MAD2L1BP: variants seen among roughly 807,000 people sequenced by gnomAD.
The protein encoded by MAD2L1BP is MAD2L1 binding protein.
A neutral mutation model predicts 28.4 loss-of-function variants in MAD2L1BP; 22 were observed. The observed-to-expected ratio is 0.77, with a 90% CI of 0.55 to 1.10. MAD2L1BP has a LOEUF of 1.10. MAD2L1BP is among the 50% of genes least tolerant of loss of function. MAD2L1BP has a pLI of 0.00. For missense variants in MAD2L1BP, 325 were observed against 350.5 expected (o/e 0.93, Z 0.58); for synonymous variants, 146 against 133.7 (o/e 1.09, Z -0.63).
rs1192876675 is a variant in MAD2L1BP at position 43,640,417 on chromosome 6, CG to C, written c.713del (p.Gly238AlafsTer4). ...RPKLNYRVPS[R>X]GHKLTVTLSC... is the part of the protein sequence containing the mutation. ...CAAGCTCAACTATCGAGTGCCCAGC[CG>C]GGGCCATAAACTGACTGTGACCCTG... On this transcript the variant is annotated frameshift_variant, in exon 3 of 3. Transcript: ENST00000372171. LOFTEE classifies it high-confidence loss of function. 6.2e-7 allele frequency: 1 copy of C among 1,613,846 alleles called. No homozygotes were observed. The highest frequency in any genetic ancestry group is 1.3e-5 in the African/African-American group (1 of 74,930).
chr6:43,633,817 C>T (rs1450096930), upstream of MAD2L1BP, among the ~76,000 whole-genome samples: 1 of 151,220 alleles, frequency 6.6e-6, no homozygotes, highest in African/African-American at 2.4e-5. Flanking sequence ...TCAAGCAATC[C>T]TCCCACCTAA....
At chr6:43,637,125 C>T (rs111540223) in intron 2 of MAD2L1BP, among the ~76,000 whole-genome samples, 2,820 of 152,168 alleles carry the variant, frequency 0.019, 34 homozygotes, top group South Asian at 0.042. Context: ...AATGCAATGG[C>T]GTGATCTCGG....
At chr6:43,636,281 C>A in intron 1 of MAD2L1BP, 100 bp from the exon 2 acceptor site, 3 of 1,285,756 alleles carry the variant, frequency 2.3e-6, no homozygotes, top group Non-Finnish European at 3.3e-6. Flanking sequence ...GGAGTGCCTG[C>A]TTTTTCAGGG....
intron 2 of MAD2L1BP, among the ~76,000 whole-genome samples, chr6:43,637,482 G>A (rs7749866): frequency 0.12 from 17,562 of 147,702 alleles, 2,370 homozygotes; most frequent in African/African-American, 0.34. Flanking sequence ...CTGGAGGACA[G>A]TGGCATGATC....
upstream of MAD2L1BP, among the ~76,000 whole-genome samples, chr6:43,634,325 A>G (rs1178024449): frequency 6.7e-6 from 1 of 149,866 alleles, no homozygotes; most frequent in African/African-American, 2.5e-5. Flanking sequence ...GACTCAAGCA[A>G]TCCTCTGCTT....
Position 43,636,530 on chromosome 6 carries a change from C to T in MAD2L1BP, c.196C>T (p.Gln66Ter), listed in dbSNP as rs773189623. ...AGTGGTGTTTCCTGGGCCTGTGAGC[C>T]AGGAAGGCTGCTGTCAGTTTACTTG... ...VPVVFPGPVS[Q>*]EGCCQFTCEL... Residue 66 changes from glutamine to a stop codon, truncating the protein, a stop_gained, in exon 2 of 3, where the codon CAG (glutamine) becomes TAG (stop). Transcript: ENST00000372171. LOFTEE classifies it high-confidence loss of function. 1 of 1,614,164 alleles carries T rather than the reference C, an allele frequency of 6.2e-7. No individual in the cohort carries two copies. The highest frequency in any genetic ancestry group is 8.5e-7 in the Non-Finnish European group (1 of 1,180,036).
intron 2 of MAD2L1BP, 32 bp from the exon 3 acceptor site, chr6:43,639,989 T>G: frequency 6.6e-7 from 1 of 1,509,136 alleles, no homozygotes; most frequent in Non-Finnish European, 8.9e-7. Flanking sequence ...CCCTGCCTTG[T>G]TCTTCTCTCC....
upstream of MAD2L1BP, chr6:43,633,284 T>C (rs1218564399): frequency 2.6e-6 from 1 of 386,548 alleles, no homozygotes; most frequent in Non-Finnish European, 5.0e-6. Context: ...GGGATTCTCC[T>C]GCCTCAGCCT....
At position 43,636,783 on chromosome 6, in the gene MAD2L1BP, C is replaced by G. The variant is rs961772831; in HGVS notation, c.312+137C>G. On this transcript the variant is annotated intron_variant, in intron 2 of 2. Transcript: ENST00000372171. ...TCCAGGGCTTCGGTCACTTTCTCCC[C>G]ACTCTAGTCTTTGGTAGCCTAACCC... The G allele has an allele frequency of 3.0e-6, 3 of 1,003,414 alleles. No homozygotes were observed. In the African/African-American group the frequency reaches 4.9e-5, roughly 16 times the overall value. 62.2% of individuals were successfully genotyped at this position (1,003,414 alleles called of 1,614,324 possible). A position where few individuals can be genotyped will look rare whatever the true frequency, so the allele number is the denominator to read the frequency against.
chr6:43,631,067 G>C (rs2127854243), upstream of MAD2L1BP, among the ~76,000 whole-genome samples: 1 of 152,194 alleles, frequency 6.6e-6, no homozygotes, highest in African/African-American at 2.4e-5. Context: ...TTCCTCCCAG[G>C]GCCACAAGGA....
At chr6:43,636,761 A>AG in intron 2 of MAD2L1BP, 115 bp downstream of exon 2, 1 of 1,250,860 alleles carries the variant, frequency 8.0e-7, no homozygotes, top group Non-Finnish European at 1.1e-6. Context: ...AGCAGCTTCC[A>AG]GGGCTTCGGT....
At chr6:43,635,985 A>G in intron 1 of MAD2L1BP, 64 bp downstream of exon 1, 1 of 1,473,708 alleles carries the variant, frequency 6.8e-7, no homozygotes, top group Non-Finnish European at 9.2e-7. Flanking sequence ...CCGCCGCGCC[A>G]TCCATTCGTT....
At chr6:43,631,055 G>A (rs1240892967), upstream of MAD2L1BP, among the ~76,000 whole-genome samples, 1 of 152,138 alleles carries the variant, frequency 6.6e-6, no homozygotes, top group Non-Finnish European at 1.5e-5. Context: ...AGAGTCCATG[G>A]CTTCCTCCCA....
rs532957750 is a variant in MAD2L1BP, at chr6:43,636,415, C to G, written c.81C>G (p.His27Gln). 41 of 1,614,132 alleles carry G rather than the reference C, an allele frequency of 2.5e-5. No individual in the cohort carries two copies. In the South Asian group the frequency reaches 3.8e-4, roughly 15 times the overall value. ...LEWYEKSEET[H>Q]ASQIELLETS... Reference sequence around the variant, plus strand: ...GGTATGAGAAGTCCGAAGAAACTCACGCCTCCCAGATAGAACTACTTGAGA... The same window carrying G: ...GGTATGAGAAGTCCGAAGAAACTCAGGCCTCCCAGATAGAACTACTTGAGA... Residue 27 changes from histidine to glutamine, a missense_variant, in exon 2 of 3, where the codon CAC (histidine) becomes CAG (glutamine). His to Gln is a conservative substitution (Grantham distance 24, BLOSUM62 0). Transcript: ENST00000372171.
upstream of MAD2L1BP, among the ~76,000 whole-genome samples, chr6:43,634,646 C>T (rs930792818): frequency 3.3e-5 from 5 of 152,242 alleles, no homozygotes; most frequent in East Asian, 3.9e-4. Context: ...CTGCAACCTC[C>T]GCCTCCCGGC....
At chr6:43,633,217 G>C, upstream of MAD2L1BP, 1 of 431,650 alleles carries the variant, frequency 2.3e-6, no homozygotes, top group Non-Finnish European at 4.6e-6. Flanking sequence ...CTGTCACCCA[G>C]GCTGGAGCAC....
chr6:43,632,662 C>CTTTTT (rs775956301), upstream of MAD2L1BP, among the ~76,000 whole-genome samples: 65 of 107,272 alleles, frequency 6.1e-4, no homozygotes, highest in Non-Finnish European at 8.6e-4. Context: ...TGACACTTGT[C>CTTTTT]TTTTTTTTTT....
At chr6:43,633,722 G>C (rs1387475358), upstream of MAD2L1BP, among the ~76,000 whole-genome samples, 1 of 148,110 alleles carries the variant, frequency 6.8e-6, no homozygotes, top group African/African-American at 2.5e-5. Context: ...GTCTATTTTG[G>C]TTTTGGAGGC....
At chr6:43,634,762 T>C (rs1770108444), upstream of MAD2L1BP, among the ~76,000 whole-genome samples, 1 of 152,162 alleles carries the variant, frequency 6.6e-6, no homozygotes, top group Non-Finnish European at 1.5e-5. Flanking sequence ...CGTTTCACCA[T>C]GTTGGCCAGG....
Sources: allele counts gnomAD v4.1 joint callset (sites outside exome capture counted in the v4.1 genomes callset), GRCh38; gene constraint gnomAD v4.1.1; transcripts MANE v1.5; gene names NCBI Gene and HGNC (gene_info 2026-07-23, HGNC 2026-07-21).